The following CENPM variants were observed in gnomAD, a reference collection of about 807,000 sequenced individuals.
CENPM encodes interphase centromere complex protein 39.
In CENPM, 14 loss-of-function variants were observed where a neutral mutation model predicts 19.6. The observed-to-expected ratio is 0.71, with a 90% confidence interval of 0.47 to 1.11. The LOEUF (loss-of-function observed/expected upper bound fraction) is 1.11. Ranked by LOEUF, CENPM falls within the 50% of genes most tolerant of loss-of-function variation. CENPM has a pLI of 0.00. For missense variants in CENPM, 239 were observed against 228.4 expected (o/e 1.05, Z -0.30); for synonymous variants, 114 against 101.5 (o/e 1.12, Z -0.74).
At chr22:41,928,414 G>A in the CENPM span, among the ~76,000 whole-genome samples, 19 of 152,142 alleles carry the variant, frequency 1.2e-4, no homozygotes, top group African/African-American at 4.1e-4. This position sits in a 1 kb window ranked among gnomAD's most constrained non-coding sequence, Gnocchi z 4.0. Context: ...CCCTCCCCAG[G>A]GCCAGGGCTG....
chr22:41,932,469 C>G, the CENPM span, among the ~76,000 whole-genome samples: 2 of 152,212 alleles, frequency 1.3e-5, no homozygotes, highest in Non-Finnish European at 2.9e-5. This position sits in a 1 kb window ranked among gnomAD's most constrained non-coding sequence, Gnocchi z 4.3. Context: ...AGGTCACGCC[C>G]TTCCATGAAG....
downstream of CENPM, among the ~76,000 whole-genome samples, chr22:41,934,388 T>C (rs1314744797): frequency 6.6e-6 from 1 of 151,900 alleles, no homozygotes; most frequent in Non-Finnish European, 1.5e-5. Context: ...CCTCTAAGAG[T>C]GGGGCCCAAA....
chr22:41,944,941 T>G, intron 4 of CENPM: 1 of 1,261,502 alleles, frequency 7.9e-7, no homozygotes, highest in East Asian at 3.7e-5. Flanking sequence ...TAAATTTAAC[T>G]TTTATTTTAA....
At chr22:41,937,504 A>C (rs1315069560), downstream of CENPM, among the ~76,000 whole-genome samples, 2 of 152,152 alleles carry the variant, frequency 1.3e-5, no homozygotes, top group African/African-American at 4.8e-5. Context: ...CCGTGTTGCC[A>C]GGCCAGCCAC....
chr22:41,935,063 G>A (rs957403015), downstream of CENPM, among the ~76,000 whole-genome samples: 3 of 152,230 alleles, frequency 2.0e-5, no homozygotes, highest in African/African-American at 7.2e-5. Context: ...GGCAGGGGCA[G>A]GCCAGCCCCC....
chr22:41,934,779 G>A (rs961815851), downstream of CENPM, among the ~76,000 whole-genome samples: 3 of 152,198 alleles, frequency 2.0e-5, no homozygotes, highest in African/African-American at 7.2e-5. Context: ...GGCTTGCCGA[G>A]GGTGAGTGAC....
chr22:41,927,875 G>A, the CENPM span, among the ~76,000 whole-genome samples: 1 of 152,184 alleles, frequency 6.6e-6, no homozygotes, highest in Admixed American at 6.5e-5. Context: ...GTGCTGATGG[G>A]GGAAGACAGC....
chr22:41,944,747 G>A, intron 4 of CENPM: 6 of 985,420 alleles, frequency 6.1e-6, no homozygotes, highest in Non-Finnish European at 7.2e-6. Context: ...GATGAGACTA[G>A]CTCAGAAGGC....
chr22:41,947,025 T>C lies in CENPM; in HGVS notation c.52A>G (p.Ile18Val). The change falls in exon 1 of 6, where the codon ATC (isoleucine) becomes GTC (valine). Residue 18 changes from isoleucine to valine, a missense_variant. Physicochemically the swap from Ile to Val is conservative, Grantham distance 29. Transcript: ENST00000215980. ...GCAGGGCCGCCTGCACCTACCAAGA[T>C]GGTGGCCGTGTTCAGGCCGGGCAGC... ...DKLPGLNTATILLVGTEDALL... is the reference protein window; with the variant it reads ...DKLPGLNTATVLLVGTEDALL... 3 of 1,612,838 alleles carry C rather than the reference T, an allele frequency of 1.9e-6. No homozygotes were observed. Among genetic ancestry groups the C allele is most frequent in the Non-Finnish European group, 1.7e-6 (2 of 1,179,918 alleles).
At position 41,945,256 on chromosome 22, in the gene CENPM, G is replaced by C; in HGVS notation, c.279C>G (p.Phe93Leu). The change falls in exon 4 of 6, where the codon TTC (phenylalanine) becomes TTG (leucine). Residue 93 changes from phenylalanine (F) to leucine (L), a missense_variant. Transcript: ENST00000215980. ...ESLRHVDASFFLGKVCFLATG... is the reference protein window; with the variant it reads ...ESLRHVDASFLLGKVCFLATG... ...TGGCGAGGAAACACACCTTCCCCAA[G>C]AAGAAGCTGGCATCCACATGGCGCA... 6.2e-7 allele frequency: 1 copy of C among 1,613,956 alleles called. No individual in the cohort carries two copies. Among genetic ancestry groups the C allele is most frequent in the Non-Finnish European group, 8.5e-7 (1 of 1,180,014 alleles).
chr22:41,929,397 G>A, the CENPM span, among the ~76,000 whole-genome samples: 58 of 152,156 alleles, frequency 3.8e-4, no homozygotes, highest in Non-Finnish European at 6.8e-4. Context: ...ACCCAGGAAC[G>A]GGGAACCTGT....
intron 5 of CENPM, among the ~76,000 whole-genome samples, chr22:41,939,775 C>CAAAAAAGAAA (rs1459618659): frequency 6.8e-3 from 15 of 2,210 alleles, no homozygotes; most frequent in African/African-American, 0.046. Flanking sequence ...GTGTCTGTCT[C>CAAAAAAGAAA]AAAAAAGAAA....
the CENPM span, among the ~76,000 whole-genome samples, chr22:41,930,280 A>C: frequency 1.3e-5 from 2 of 150,404 alleles, no homozygotes; most frequent in African/African-American, 4.9e-5. Flanking sequence ...CCCAGGCTGG[A>C]GTGCAGTGGC....
In CENPM at chr22:41,945,251, C is replaced by T. The variant is rs746578718; in HGVS notation, c.284G>A (p.Gly95Glu). 2 of 1,613,918 alleles carry T rather than the reference C, an allele frequency of 1.2e-6. No homozygotes were observed. The highest frequency in any genetic ancestry group is 1.7e-6 in the Non-Finnish European group (2 of 1,180,024). The change falls in exon 4 of 6, where the codon GGG becomes GAG. Residue 95 changes from glycine to glutamate, a missense_variant. Gly to Glu is a moderately conservative substitution (Grantham distance 98). Transcript: ENST00000215980. ...LRHVDASFFL[G>E]KVCFLATGAG... ...ACCTGTGGCGAGGAAACACACCTTC[C>T]CCAAGAAGAAGCTGGCATCCACATG... is the stretch of plus-strand genomic sequence containing the variant.
In CENPM at chr22:41,946,428, G is replaced by A. The variant is rs139737946; in HGVS notation, c.126C>T (p.Ser42=). 3 of 1,612,938 alleles carry A rather than the reference G, an allele frequency of 1.9e-6. No individual in the cohort carries two copies. Among genetic ancestry groups the A allele is most frequent in the Admixed American group, 3.3e-5 (2 of 59,994 alleles). The change falls in exon 2 of 6, where the codon TCC becomes TCT. Residue 42 remains serine (S), a synonymous_variant. Transcript: ENST00000215980. ...ADSMLKEDCA[S]ELKVHLAKSL... ...CCGCGGCTACTTACACCTTCAGCTC[G>A]GAGGCGCAGTCCTCTTTGAGCATCG...
chr22:41,931,491 A>AT, the CENPM span, among the ~76,000 whole-genome samples: 5 of 148,254 alleles, frequency 3.4e-5, no homozygotes, highest in Admixed American at 1.3e-4. Flanking sequence ...GAAAAAAAAA[A>AT]AATAATAATA....
chr22:41,942,750 C>CAA lies in CENPM; in HGVS notation c.402+858_402+859dup, dbSNP rs59088131. On this transcript the variant is annotated intron_variant, in intron 5 of 5. Transcript: ENST00000215980. ...TGGACAACAGAGCAAGACTCCATCT[C>CAA]AAAAAAAAAAAAAAAGTAAATAAAT... 7.9e-3 allele frequency among the ~76,000 whole-genome samples: 975 copies of CAA among 123,826 alleles called. 7 individuals are homozygous for CAA. Among genetic ancestry groups the CAA allele is most frequent in the African/African-American group, 0.024 (822 of 33,636 alleles). The allele number at this position is 123,826 out of a possible 152,430, so 81.2% of individuals were successfully genotyped here. A position where few individuals can be genotyped will look rare whatever the true frequency, so the allele number is the denominator to read the frequency against.
At chr22:41,944,199 T>C (rs2077771940) in intron 4 of CENPM, 1 of 941,060 alleles carries the variant, frequency 1.1e-6, no homozygotes, top group South Asian at 4.9e-5. Context: ...ATCCCAGCAC[T>C]ATCTGAGGCA....
rs956103480 is a variant in CENPM, at chr22:41,947,105, G to A, written c.-29C>T. 6.2e-7 allele frequency: 1 copy of A among 1,610,310 alleles called. No individual in the cohort carries two copies. On this transcript the variant is annotated 5_prime_UTR_variant, in exon 1 of 6. Transcript: ENST00000215980. The stretch of plus-strand genomic sequence containing the variant: ...AGCCGCAGGACCAACCGTTGCTCCT[G>A]CGGTGCGCGCCGATCTTTCAAACCG...
Sources: allele counts gnomAD v4.1 joint callset (sites outside exome capture counted in the v4.1 genomes callset), GRCh38; gene constraint gnomAD v4.1.1; non-coding constraint Gnocchi (gnomAD v3.1); transcripts MANE v1.5; gene names NCBI Gene and HGNC (gene_info 2026-07-23, HGNC 2026-07-21).